Variants in SLC9A9 observed in about 807,000 individuals in gnomAD.
The protein encoded by SLC9A9 is solute carrier family 9 member A9.
SLC9A9 carries 62 observed loss-of-function variants against 77.8 expected under a neutral mutation model. That is an observed-to-expected ratio of 0.80 (90% CI 0.65 to 0.98). SLC9A9 has a LOEUF of 0.98. SLC9A9 is among the 50% of genes least tolerant of loss of function. The pLI, the probability that SLC9A9 is intolerant of heterozygous loss-of-function variation, is 0.00. For missense variants in SLC9A9, 775 were observed against 774.9 expected (o/e 1.00, Z 0.00); for synonymous variants, 320 against 283.5 (o/e 1.13, Z -1.29).
At chr3:143,495,290 C>T (rs561574100) in intron 10 of SLC9A9, 45 bp downstream of exon 10, 119 of 1,470,308 alleles carry the variant, frequency 8.1e-5, no homozygotes, top group African/African-American at 5.4e-4. Flanking sequence ...GTAAGTCATT[C>T]GTTATCTTCT....
intron 9 of SLC9A9, among the ~76,000 whole-genome samples, chr3:143,548,628 A>G (rs1015261117): frequency 4.6e-5 from 7 of 152,182 alleles, no homozygotes; most frequent in African/African-American, 1.7e-4. Flanking sequence ...ACAAATCCTT[A>G]TGTTGCGTAA....
At chr3:143,766,253 A>C (rs2007315210) in intron 4 of SLC9A9, among the ~76,000 whole-genome samples, 1 of 152,220 alleles carries the variant, frequency 6.6e-6, no homozygotes, top group South Asian at 2.1e-4. Context: ...TACAATTTAG[A>C]ATATAGGATA....
chr3:143,815,346 C>T (rs946206921), intron 2 of SLC9A9, among the ~76,000 whole-genome samples: 6 of 152,118 alleles, frequency 3.9e-5, no homozygotes, highest in Admixed American at 3.9e-4. Context: ...AGACTAACAG[C>T]TTAGTGCCAT....
intron 4 of SLC9A9, among the ~76,000 whole-genome samples, chr3:143,743,658 C>A (rs73154715): frequency 0.061 from 9,332 of 152,276 alleles, 327 homozygotes; most frequent in Middle Eastern, 0.075. Context: ...GTCTTCCCCA[C>A]TCAGTCCAGT....
At chr3:143,291,584 A>G (rs2029978832) in intron 14 of SLC9A9, among the ~76,000 whole-genome samples, 1 of 152,308 alleles carries the variant, frequency 6.6e-6, no homozygotes. Context: ...GGAAAAGGCT[A>G]TTGGGCTGGA....
chr3:143,527,498 T>C (rs183614222), intron 9 of SLC9A9, among the ~76,000 whole-genome samples: 192 of 152,372 alleles, frequency 1.3e-3, no homozygotes, highest in Middle Eastern at 3.4e-3. Context: ...TTGTGCCACA[T>C]AGTATGTGCT....
intron 4 of SLC9A9, among the ~76,000 whole-genome samples, chr3:143,793,250 A>AAC (rs370687701): frequency 1.1e-3 from 159 of 151,220 alleles, no homozygotes; most frequent in South Asian, 2.9e-3. Context: ...AATTATATAC[A>AAC]ACACACACAC....
intron 9 of SLC9A9, among the ~76,000 whole-genome samples, chr3:143,539,865 A>G (rs187078241): frequency 1.9e-4 from 27 of 144,196 alleles, no homozygotes; most frequent in Admixed American, 4.9e-4. Flanking sequence ...GTTTTCTAAA[A>G]GTGAAAAATT....
chr3:143,767,313 T>C (rs76882304), intron 4 of SLC9A9, among the ~76,000 whole-genome samples: 1,786 of 152,146 alleles, frequency 0.012, 33 homozygotes, highest in African/African-American at 0.04. Context: ...CCCTATCATA[T>C]ACACAGATGA....
intron 6 of SLC9A9, among the ~76,000 whole-genome samples, chr3:143,581,581 AC>A (rs1289662477): frequency 1.3e-5 from 2 of 151,868 alleles, no homozygotes; most frequent in South Asian, 2.1e-4. Context: ...AAAGACATAA[AC>A]TAAAAATCAG....
chr3:143,660,049 GC>G (rs2108755183), intron 5 of SLC9A9, among the ~76,000 whole-genome samples: 1 of 152,320 alleles, frequency 6.6e-6, no homozygotes, highest in East Asian at 1.9e-4. Context: ...GGCCTTCCCA[GC>G]CATGTGGAGC....
intron 11 of SLC9A9, among the ~76,000 whole-genome samples, chr3:143,478,872 A>C (rs1042464003): frequency 6.6e-6 from 1 of 152,248 alleles, no homozygotes; most frequent in African/African-American, 2.4e-5. Flanking sequence ...ATACAGGGAA[A>C]ATAATGTAGT....
intron 14 of SLC9A9, among the ~76,000 whole-genome samples, chr3:143,358,307 T>A (rs182873326): frequency 6.6e-6 from 1 of 152,324 alleles, no homozygotes; most frequent in African/African-American, 2.4e-5. Flanking sequence ...TCCAACCAGT[T>A]ATGGGAAGGA....
At chr3:143,477,941 A>T (rs1439926871) in intron 11 of SLC9A9, among the ~76,000 whole-genome samples, 1 of 152,220 alleles carries the variant, frequency 6.6e-6, no homozygotes, top group Admixed American at 6.5e-5. Context: ...CAATGTGTTC[A>T]GCGGGTGTTC....
intron 1 of SLC9A9, among the ~76,000 whole-genome samples, chr3:143,836,644 G>A (rs1227988096): frequency 6.6e-6 from 1 of 152,094 alleles, no homozygotes; most frequent in Non-Finnish European, 1.5e-5. Flanking sequence ...AACAGCCTCA[G>A]GAGTACTCAA....
At chr3:143,690,342 TA>T (rs1318774933) in intron 5 of SLC9A9, among the ~76,000 whole-genome samples, 5 of 152,094 alleles carry the variant, frequency 3.3e-5, no homozygotes, top group African/African-American at 1.2e-4. Context: ...ATTTGTGATA[TA>T]ATTTCTCCTT....
At chr3:143,552,516 C>T (rs1316152967) in intron 8 of SLC9A9, 66 bp from the exon 9 acceptor site, 1 of 1,373,342 alleles carries the variant, frequency 7.3e-7, no homozygotes, top group Non-Finnish European at 1.0e-6. Context: ...AAGGTTAGGG[C>T]TATTCCAGTT....
At chr3:143,837,519 T>A (rs766536094) in intron 1 of SLC9A9, among the ~76,000 whole-genome samples, 3 of 152,154 alleles carry the variant, frequency 2.0e-5, no homozygotes, top group Non-Finnish European at 4.4e-5. Context: ...AGATATAGCC[T>A]CAAACCATGT....
chr3:143,431,747 T>C (rs1428495521), intron 12 of SLC9A9, among the ~76,000 whole-genome samples: 1 of 152,038 alleles, frequency 6.6e-6, no homozygotes, highest in African/African-American at 2.4e-5. Context: ...AAAGGCCGAG[T>C]CCTTACAATG....
Sources: allele counts gnomAD v4.1 joint callset (sites outside exome capture counted in the v4.1 genomes callset), GRCh38; gene constraint gnomAD v4.1.1; transcripts MANE v1.5; gene names NCBI Gene and HGNC (gene_info 2026-07-23, HGNC 2026-07-21).